The following CYTL1 variants were observed in gnomAD, a reference collection of about 807,000 sequenced individuals.
The protein encoded by CYTL1 is cytokine-like protein 1.
Under a neutral mutation model 13.1 loss-of-function variants are expected in CYTL1, and 17 were observed. The ratio of observed to expected loss-of-function variants is 1.29; its 90% CI spans 0.89 to 1.94. CYTL1 has a LOEUF of 1.94. Ranked by LOEUF, CYTL1 falls within the 30% of genes most tolerant of loss-of-function variation. CYTL1 has a pLI of 0.00. For missense variants in CYTL1, 213 were observed against 174.8 expected (o/e 1.22, Z -1.23); for synonymous variants, 91 against 79.4 (o/e 1.15, Z -0.78).
rs1741092396 is a variant in CYTL1 at position 5,017,156 on chromosome 4, G to C, written c.177C>G (p.Pro59=). 1.2e-6 allele frequency: 2 copies of C among 1,613,870 alleles called. No individual in the cohort carries two copies. The highest frequency in any genetic ancestry group is 1.1e-5 in the South Asian group (1 of 91,064). The change falls in exon 2 of 4, where the codon CCC becomes CCG. Residue 59 remains proline (P), a synonymous_variant. Transcript: ENST00000307746. ...TTACGTGTATGTCCAGGTACAGCCT[G>C]GGCAGGTATCTCACACATGGCTCCT... is the stretch of plus-strand genomic sequence containing the variant. ...EPSEPCVRYL[P]RLYLDIHNYC... is the part of the protein sequence containing the mutation.
In CYTL1 at chr4:5,017,184, G is replaced by A. The variant is rs1337697945; in HGVS notation, c.154-5C>T. ...CAGGTATCTCACACATGGCTCCTGT[G>A]GAAAGGGATAAGGGGTTCTGGGATG... On this transcript the variant is annotated splice_polypyrimidine_tract_variant and splice_region_variant and intron_variant, in intron 1 of 3. Coordinates refer to ENST00000307746, the MANE Select transcript of CYTL1 (RefSeq NM_018659.3). 12 of 1,613,676 alleles carry A rather than the reference G, an allele frequency of 7.4e-6. No homozygotes were observed. The Admixed American group carries it at 1.0e-4, about 13-fold the overall frequency.
In CYTL1 at chr4:5,017,191, G is replaced by A. The variant is rs377663382; in HGVS notation, c.154-12C>T. 1.2e-5 allele frequency: 19 copies of A among 1,613,532 alleles called. No homozygotes were observed. In the African/African-American group the frequency reaches 2.5e-4, roughly 22 times the overall value. ...CTCACACATGGCTCCTGTGGAAAGG[G>A]ATAAGGGGTTCTGGGATGCCCACAG... On this transcript the variant is annotated splice_polypyrimidine_tract_variant and intron_variant, in intron 1 of 3. Coordinates refer to ENST00000307746, the MANE Select transcript of CYTL1 (RefSeq NM_018659.3).
chr4:5,017,201 T>C lies in CYTL1; in HGVS notation c.154-22A>G, dbSNP rs1741093997. 2.5e-6 allele frequency: 4 copies of C among 1,612,534 alleles called. No individual in the cohort carries two copies. The East Asian group carries it at 8.9e-5, about 36-fold the overall frequency. On this transcript the variant is annotated intron_variant, in intron 1 of 3. Coordinates refer to ENST00000307746, the MANE Select transcript of CYTL1 (RefSeq NM_018659.3). ...GCTCCTGTGGAAAGGGATAAGGGGT[T>C]CTGGGATGCCCACAGGGGCATACCT...
At chr4:5,018,996 CTTTTTTCTTTTTTTTTTTTTT>C (rs1309745375) in intron 1 of CYTL1, among the ~76,000 whole-genome samples, 1 of 106,688 alleles carries the variant, frequency 9.4e-6, no homozygotes, top group Non-Finnish European at 1.9e-5. Flanking sequence ...CTTTTTTTTT[CTTTTTTCTTTTTTTTTTTTTT>C]TTTTTTTTTT....
Position 5,014,999 on chromosome 4 carries a change from T to A in CYTL1, c.*152A>T. Reference sequence around the variant, plus strand: ...CTCAAAGGAGGTTCCTGGGTAGGAATACCAGCCCTGTTTTCCAGAAGGTAG... The same window carrying A: ...CTCAAAGGAGGTTCCTGGGTAGGAAAACCAGCCCTGTTTTCCAGAAGGTAG... On this transcript the variant is annotated 3_prime_UTR_variant, in exon 4 of 4. Transcript: ENST00000307746. 2.8e-6 allele frequency: 2 copies of A among 711,108 alleles called. No individual in the cohort carries two copies. Among genetic ancestry groups the A allele is most frequent in the South Asian group, 3.2e-5 (2 of 63,100 alleles). The allele number at this position is 711,108 out of a possible 1,614,324, so 44.0% of individuals were successfully genotyped here.
intron 3 of CYTL1, among the ~76,000 whole-genome samples, chr4:5,015,764 AG>A (rs1741059367): frequency 6.6e-6 from 1 of 152,190 alleles, no homozygotes; most frequent in South Asian, 2.1e-4. Context: ...CAGTTTCCAG[AG>A]GAGCTTACTC....
chr4:5,016,783 A>G, intron 3 of CYTL1, 53 bp downstream of exon 3: 2 of 1,606,948 alleles, frequency 1.2e-6, no homozygotes, highest in South Asian at 2.2e-5. Context: ...AAAAGCTCAG[A>G]AAGTCTTGGC....
At chr4:5,017,627 T>A (rs1191937893) in intron 1 of CYTL1, among the ~76,000 whole-genome samples, 1 of 150,162 alleles carries the variant, frequency 6.7e-6, no homozygotes, top group East Asian at 1.9e-4. Flanking sequence ...TATAATAATA[T>A]ACTTATATAA....
At chr4:5,016,621 A>G (rs1202091668) in intron 3 of CYTL1, among the ~76,000 whole-genome samples, 1 of 152,118 alleles carries the variant, frequency 6.6e-6, no homozygotes. Context: ...CCCTGCATCA[A>G]TGCGCAGCTC....
At position 5,017,276 on chromosome 4, in the gene CYTL1, A is replaced by G; in HGVS notation, c.154-97T>C. 3 of 1,156,058 alleles carry G rather than the reference A, an allele frequency of 2.6e-6. No homozygotes were observed. The Middle Eastern group carries it at 6.1e-4, about 235-fold the overall frequency. The allele number at this position is 1,156,058 out of a possible 1,614,324, so 71.6% of individuals were successfully genotyped here. ...CCTCTCAACAGCCAGACCAGCCCAG[A>G]TCCCTGGGGCCCTCCCTGATGCTAC... On this transcript the variant is annotated intron_variant, in intron 1 of 3. Transcript: ENST00000307746.
chr4:5,018,833 G>A (rs1299686547), intron 1 of CYTL1, among the ~76,000 whole-genome samples: 2 of 152,100 alleles, frequency 1.3e-5, no homozygotes, highest in African/African-American at 2.4e-5. Flanking sequence ...AAATTTGCCC[G>A]GGTCCCTCAG....
In CYTL1 at chr4:5,017,192, A is replaced by T. The variant is rs746512546; in HGVS notation, c.154-13T>A. On this transcript the variant is annotated splice_polypyrimidine_tract_variant and intron_variant, in intron 1 of 3. Coordinates refer to ENST00000307746, the MANE Select transcript of CYTL1 (RefSeq NM_018659.3). ...TCACACATGGCTCCTGTGGAAAGGGATAAGGGGTTCTGGGATGCCCACAGG... is the reference window on the plus strand; with the variant it reads ...TCACACATGGCTCCTGTGGAAAGGGTTAAGGGGTTCTGGGATGCCCACAGG... 8.1e-6 allele frequency: 13 copies of T among 1,613,552 alleles called. No individual in the cohort carries two copies. In the South Asian group the frequency reaches 1.4e-4, roughly 18 times the overall value.
Position 5,019,281 on chromosome 4 carries a change from C to CG in CYTL1, c.153+11dup. 6.8e-7 allele frequency: 1 copy of CG among 1,473,318 alleles called. No individual in the cohort carries two copies. The highest frequency in any genetic ancestry group is 9.0e-7 in the Non-Finnish European group (1 of 1,115,240). The allele number at this position is 1,473,318 out of a possible 1,614,324, so 91.3% of individuals were successfully genotyped here. A position where few individuals can be genotyped will look rare whatever the true frequency, so the allele number is the denominator to read the frequency against. Reference sequence around the variant, plus strand: ...GCCATGCACCCCTGTCCTGAGCGGGCGGGGGACTCACCGAGGGCTCCGAGA... The same window carrying CG: ...GCCATGCACCCCTGTCCTGAGCGGGCGGGGGGACTCACCGAGGGCTCCGAGA... On this transcript the variant is annotated intron_variant, in intron 1 of 3. Coordinates refer to ENST00000307746, the MANE Select transcript of CYTL1 (RefSeq NM_018659.3).
At chr4:5,017,202 C>A in intron 1 of CYTL1, 23 bp from the exon 2 acceptor site, 1 of 1,612,304 alleles carries the variant, frequency 6.2e-7, no homozygotes, top group South Asian at 1.1e-5. Context: ...ATAAGGGGTT[C>A]TGGGATGCCC....
chr4:5,016,795 G>A, intron 3 of CYTL1, 41 bp downstream of exon 3: 1 of 1,611,466 alleles, frequency 6.2e-7, no homozygotes, highest in Non-Finnish European at 8.5e-7. Context: ...AGTCTTGGCT[G>A]ATAGCAAGTA....
At chr4:5,017,633 T>A (rs1180820391) in intron 1 of CYTL1, among the ~76,000 whole-genome samples, 1 of 150,172 alleles carries the variant, frequency 6.7e-6, no homozygotes, top group African/African-American at 2.4e-5. Flanking sequence ...AATATACTTA[T>A]ATAATAACTT....
At position 5,014,707 on chromosome 4, in the gene CYTL1, G is replaced by A. The variant is rs193222398; in HGVS notation, c.*444C>T. The stretch of plus-strand genomic sequence containing the variant: ...TTAATTTCTTTTTAAATGAAAGACA[G>A]TGAAGAAAGTCTGTGTTAGAAAAAG... On this transcript the variant is annotated 3_prime_UTR_variant, in exon 4 of 4. Transcript: ENST00000307746. 3.4e-3 allele frequency: 608 copies of A among 180,972 alleles called. No individual in the cohort carries two copies. The highest frequency in any genetic ancestry group is 4.7e-3 in the South Asian group (35 of 7,498). The allele number at this position is 180,972 out of a possible 1,614,324, so 11.2% of individuals were successfully genotyped here. A position where few individuals can be genotyped will look rare whatever the true frequency, so the allele number is the denominator to read the frequency against.
intron 3 of CYTL1, 94 bp downstream of exon 3, chr4:5,016,742 T>A: frequency 6.8e-7 from 1 of 1,477,572 alleles, no homozygotes; most frequent in South Asian, 1.2e-5. Context: ...TCCTCTTCCT[T>A]GTCACCATCT....
chr4:5,016,914 A>T lies in CYTL1; in HGVS notation c.249T>A (p.Cys83Ter), dbSNP rs1297820502. 2 of 1,614,208 alleles carry T rather than the reference A, an allele frequency of 1.2e-6. No individual in the cohort carries two copies. The highest frequency in any genetic ancestry group is 1.1e-5 in the South Asian group (1 of 91,086). Residue 83 changes from cysteine to a stop codon, truncating the protein, a stop_gained, in exon 3 of 4, where the codon TGT (cysteine) becomes TGA (stop). Coordinates refer to ENST00000307746, the MANE Select transcript of CYTL1 (RefSeq NM_018659.3). LOFTEE classifies it high-confidence loss of function. The stretch of plus-strand genomic sequence containing the variant: ...AGGAATCTACCTGGGCCACTTTCCA[A>T]CACGGGGGCGAGGCCACAAAGTCCC... The part of the protein sequence containing the change: ...KLRDFVASPP[C>*]WKVAQVDSLK...
Sources: allele counts gnomAD v4.1 joint callset (sites outside exome capture counted in the v4.1 genomes callset), GRCh38; gene constraint gnomAD v4.1.1; transcripts MANE v1.5; gene names NCBI Gene and HGNC (gene_info 2026-07-23, HGNC 2026-07-21).